The following GPC4 variants were observed in gnomAD, a reference collection of about 807,000 sequenced individuals.
GPC4 encodes the protein glypican-4.
In GPC4, 10 loss-of-function variants were observed where a neutral mutation model predicts 35.0. That is an observed-to-expected ratio of 0.29 (90% CI 0.18 to 0.48). The LOEUF (loss-of-function observed/expected upper bound fraction) is 0.48. GPC4 is among the 20% of genes least tolerant of loss of function. The pLI, the probability that GPC4 is intolerant of heterozygous loss-of-function variation, is 0.99. For synonymous variants in GPC4, 167 were observed against 170.2 expected, an observed-to-expected ratio of 0.98 and a Z score of 0.15; for missense variants, 322 against 451.3, an observed-to-expected ratio of 0.71 and a Z score of 2.60.
chrX:133,339,175 T>A lies in GPC4; in HGVS notation c.319+8A>T, dbSNP rs748286685. ...TGCCGGTTCTTACATATGACTTGAA[T>A]AACATACCATCAAACTTCTTGTAAC... On this transcript the variant is annotated splice_region_variant and intron_variant, in intron 2 of 8. Transcript: ENST00000370828. The A allele has an allele frequency of 3.3e-5, 40 of 1,208,866 alleles. No individual in the cohort carries two copies. Among genetic ancestry groups the A allele is most frequent in the Non-Finnish European group, 4.4e-5 (39 of 894,594 alleles).
chrX:133,315,682 T>TA (rs1355819583), intron 3 of GPC4, among the ~76,000 whole-genome samples: 1 of 111,803 alleles, frequency 8.9e-6, no homozygotes, highest in Non-Finnish European at 1.9e-5. Context: ...GGTCTTCCTT[T>TA]AATCTTCAGT....
chrX:133,337,522 T>C (rs773887840), intron 2 of GPC4, among the ~76,000 whole-genome samples: 76 of 111,921 alleles, frequency 6.8e-4, no homozygotes, highest in Non-Finnish European at 1.2e-3. Context: ...TTATCTCCAC[T>C]ACATTGTGCT....
chrX:133,303,982 G>A (rs1303082014), intron 7 of GPC4, among the ~76,000 whole-genome samples: 2 of 107,426 alleles, frequency 1.9e-5, no homozygotes, highest in Non-Finnish European at 3.8e-5. Context: ...TGAGGAGGAT[G>A]GTGGGTTGAA....
chrX:133,343,318 G>A (rs190086375), intron 1 of GPC4, among the ~76,000 whole-genome samples: 1 of 111,548 alleles, frequency 9.0e-6, no homozygotes, highest in East Asian at 2.8e-4. Context: ...CATGGCTCTT[G>A]ACATACAGTT....
chrX:133,399,687 A>G (rs1352380452), intron 1 of GPC4, among the ~76,000 whole-genome samples: 2 of 111,870 alleles, frequency 1.8e-5, no homozygotes, highest in Admixed American at 1.9e-4. Flanking sequence ...TTAGGAACCT[A>G]GGTGGGAACT....
intron 1 of GPC4, among the ~76,000 whole-genome samples, chrX:133,358,391 T>C: frequency 8.9e-6 from 1 of 112,314 alleles, no homozygotes; most frequent in South Asian, 3.7e-4. Context: ...ACTATTTGCT[T>C]GAGTAGATAT....
chrX:133,401,220 A>G (rs1166420948), intron 1 of GPC4, among the ~76,000 whole-genome samples: 1 of 111,123 alleles, frequency 9.0e-6, no homozygotes, highest in Non-Finnish European at 1.9e-5. Context: ...CTTGATTTTC[A>G]CTCTAGCTGG....
At chrX:133,397,730 A>C (rs1052210229) in intron 1 of GPC4, among the ~76,000 whole-genome samples, 2 of 111,319 alleles carry the variant, frequency 1.8e-5, no homozygotes, top group Admixed American at 9.6e-5. Context: ...GAAATTAAAC[A>C]CTTATATTCT....
intron 1 of GPC4, among the ~76,000 whole-genome samples, chrX:133,378,392 C>T (rs1164391122): frequency 1.8e-5 from 2 of 108,164 alleles, no homozygotes; most frequent in African/African-American, 6.7e-5. Context: ...ACGGTGAAAC[C>T]CCATCTCTAC....
At position 133,344,191 on chromosome X, in the gene GPC4, G is replaced by GTTTTTTTT. The variant is rs747976050; in HGVS notation, c.161-4858_161-4851dup. 1.3e-4 allele frequency among the ~76,000 whole-genome samples: 5 copies of GTTTTTTTT among 38,885 alleles called. 1 individual carries two copies. The highest frequency in any genetic ancestry group is 2.6e-4 in the Non-Finnish European group (5 of 19,220). The allele number at this position is 38,885 out of a possible 115,157, so 33.8% of individuals were successfully genotyped here. ...TCTTTATTTTCTTTCTTTCTTTCTG[G>GTTTTTTTT]TTTTTTTTTTTTTTTTTTTTTTTTT... is the stretch of plus-strand genomic sequence containing the variant. On this transcript the variant is annotated intron_variant, in intron 1 of 8. Transcript: ENST00000370828.
chrX:133,322,153 A>G (rs147688601), intron 3 of GPC4, among the ~76,000 whole-genome samples: 1,260 of 111,924 alleles, frequency 0.011, 23 homozygotes, highest in African/African-American at 0.039. Flanking sequence ...ACTAACAATT[A>G]GTGACACCTG....
chrX:133,330,455 C>A, intron 2 of GPC4, among the ~76,000 whole-genome samples: 1 of 111,667 alleles, frequency 9.0e-6, no homozygotes, highest in Non-Finnish European at 1.9e-5. Flanking sequence ...TACTGACAAC[C>A]TGAAATTTGA....
At chrX:133,411,731 A>G (rs2068813905) in intron 1 of GPC4, among the ~76,000 whole-genome samples, 1 of 111,537 alleles carries the variant, frequency 9.0e-6, no homozygotes, top group South Asian at 3.8e-4. Flanking sequence ...GGGCGCTCCA[A>G]AAGTACATGG....
intron 3 of GPC4, among the ~76,000 whole-genome samples, chrX:133,320,896 G>A (rs1198443742): frequency 9.2e-6 from 1 of 109,136 alleles, no homozygotes; most frequent in African/African-American, 3.3e-5. Context: ...AAATTACCCA[G>A]GCATGATGGC....
At chrX:133,380,983 G>A (rs910627568) in intron 1 of GPC4, among the ~76,000 whole-genome samples, 2 of 111,971 alleles carry the variant, frequency 1.8e-5, no homozygotes, top group Non-Finnish European at 3.8e-5. Flanking sequence ...ATCCACACCA[G>A]CAATTTTTAG....
chrX:133,336,541 A>T (rs1603069935), intron 2 of GPC4, among the ~76,000 whole-genome samples: 1 of 110,775 alleles, frequency 9.0e-6, no homozygotes, highest in East Asian at 2.9e-4. Context: ...TCTCAAAACA[A>T]ACAAACAAAA....
chrX:133,414,871 T>G lies in GPC4; in HGVS notation c.95A>C (p.Glu32Ala). 1 of 1,211,760 alleles carries G rather than the reference T, an allele frequency of 8.3e-7. No individual in the cohort carries two copies. Among genetic ancestry groups the G allele is most frequent in the Non-Finnish European group, 1.1e-6 (1 of 895,438 alleles). The part of the protein sequence containing the change: ...AAELKSKSCS[E>A]VRRLYVSKGF... The stretch of plus-strand genomic sequence containing the variant: ...TTTGGACACGTAAAGACGTCGCACT[T>G]CCGAGCAACTTTTCGACTTGAGCTC... Residue 32 changes from glutamate (E) to alanine (A), a missense_variant, in exon 1 of 9, where the codon GAA becomes GCA. Physicochemically the swap from Glu to Ala is moderately radical, Grantham distance 107. Around this residue, in one of 3 missense-constraint regions of GPC4, gnomAD observed 60 missense variants for 64.1 expected, o/e 0.94. Coordinates refer to ENST00000370828, the MANE Select transcript of GPC4 (RefSeq NM_001448.3).
intron 2 of GPC4, among the ~76,000 whole-genome samples, chrX:133,336,174 T>TA (rs1282258396): frequency 1.8e-5 from 2 of 111,819 alleles, no homozygotes; most frequent in Non-Finnish European, 3.8e-5. Context: ...TATAGCCTGT[T>TA]AATCAATGCC....
At chrX:133,337,540 G>A (rs1487243756) in intron 2 of GPC4, among the ~76,000 whole-genome samples, 1 of 111,559 alleles carries the variant, frequency 9.0e-6, no homozygotes, top group Non-Finnish European at 1.9e-5. Context: ...GCTGCCAACG[G>A]GAGAGTCATT....
Sources: gnomAD v4.1 joint callset for allele counts (sites outside exome capture counted in the v4.1 genomes callset) on GRCh38, gnomAD v4.1.1 for gene constraint, gnomAD v4.1.1 regional missense constraint, MANE v1.5 for transcripts, NCBI Gene and HGNC (gene_info 2026-07-23, HGNC 2026-07-21) for gene names.